The following MACROD1 variants were observed in gnomAD, a reference collection of about 807,000 sequenced individuals.
The protein encoded by MACROD1 is ADP-ribose glycohydrolase MACROD1.
Under a neutral mutation model 41.4 loss-of-function variants are expected in MACROD1, and 31 were observed. That is an observed-to-expected ratio of 0.75 (90% confidence interval 0.56 to 1.01). The LOEUF (loss-of-function observed/expected upper bound fraction) is 1.01, where lower values mean the gene tolerates loss of function less well. Among genes scored for constraint, MACROD1 ranks in the 50% least tolerant of loss-of-function variants. The pLI, the probability that MACROD1 is intolerant of heterozygous loss-of-function variation, is 0.00. For synonymous variants in MACROD1, 252 were observed against 203.4 expected (o/e 1.24, Z -2.03); for missense variants, 473 against 460.0 (o/e 1.03, Z -0.26).
In MACROD1 at chr11:64,054,988, C is replaced by T. The variant is rs188738907; in HGVS notation, c.518-39707G>A. 3.6e-4 allele frequency among the ~76,000 whole-genome samples: 55 copies of T among 152,278 alleles called. 1 individual carries two copies. Among genetic ancestry groups the T allele is most frequent in the Admixed American group, 1.3e-3 (20 of 15,292 alleles). On this transcript the variant is annotated intron_variant, in intron 3 of 10. Transcript: ENST00000255681. ...GGATCTCCTACCAGCCCTTTCCTAC[C>T]GCCACTACCATCCAGACTCTGCCAG...
intron 3 of MACROD1, among the ~76,000 whole-genome samples, chr11:64,032,725 C>T (rs1290094755): frequency 3.3e-5 from 5 of 152,162 alleles, no homozygotes; most frequent in African/African-American, 1.2e-4. Context: ...TCACCTGTGT[C>T]CTCCTGGAGC....
chr11:64,118,869 C>G (rs548315776), intron 3 of MACROD1: 2 of 167,208 alleles, frequency 1.2e-5, no homozygotes, highest in Non-Finnish European at 2.9e-5. Context: ...ATTTCCCTTG[C>G]AGATTTGCAG....
intron 1 of MACROD1, among the ~76,000 whole-genome samples, chr11:64,162,406 G>A (rs574798692): frequency 6.6e-5 from 10 of 152,300 alleles, no homozygotes; most frequent in African/African-American, 2.4e-4. Context: ...AGGTGGCTGA[G>A]GCAGGAGGAT....
At chr11:64,063,408 A>C (rs1451237516) in intron 3 of MACROD1, among the ~76,000 whole-genome samples, 2 of 152,152 alleles carry the variant, frequency 1.3e-5, no homozygotes, top group Non-Finnish European at 2.9e-5. Context: ...AGGGAAGCCC[A>C]AGGAGCGATG....
intron 3 of MACROD1, among the ~76,000 whole-genome samples, chr11:64,129,046 G>A (rs994493197): frequency 6.6e-6 from 1 of 152,244 alleles, no homozygotes; most frequent in Admixed American, 6.5e-5. Context: ...CTCCCCACGT[G>A]TGGCAGCGCC....
chr11:64,059,728 C>T (rs1183554185), intron 3 of MACROD1, among the ~76,000 whole-genome samples: 2 of 152,250 alleles, frequency 1.3e-5, no homozygotes, highest in African/African-American at 4.8e-5. Flanking sequence ...CTACTCCCAG[C>T]TGAGGCAAAC....
chr11:64,154,730 T>C (rs1004560380), intron 1 of MACROD1, among the ~76,000 whole-genome samples: 1 of 151,580 alleles, frequency 6.6e-6, no homozygotes, highest in Non-Finnish European at 1.5e-5. Context: ...TATTCTTTTA[T>C]TTTTTTTTGA....
At chr11:64,157,435 G>A (rs1374375985) in intron 1 of MACROD1, among the ~76,000 whole-genome samples, 1 of 152,190 alleles carries the variant, frequency 6.6e-6, no homozygotes, top group Non-Finnish European at 1.5e-5. Flanking sequence ...CCTCCTGTAA[G>A]AAGGACAAAT....
At chr11:64,031,266 C>G (rs1295087153) in intron 3 of MACROD1, among the ~76,000 whole-genome samples, 1 of 152,142 alleles carries the variant, frequency 6.6e-6, no homozygotes, top group Non-Finnish European at 1.5e-5. Flanking sequence ...GGCACCCTCT[C>G]TGGGACTTTC....
chr11:64,026,229 T>G (rs1438148764), intron 3 of MACROD1, among the ~76,000 whole-genome samples: 1 of 152,060 alleles, frequency 6.6e-6, no homozygotes, highest in African/African-American at 2.4e-5. Flanking sequence ...CTCCCCATGT[T>G]GCCCAGGCTG....
intron 3 of MACROD1, among the ~76,000 whole-genome samples, chr11:64,074,266 G>A (rs916653569): frequency 6.6e-6 from 1 of 152,214 alleles, no homozygotes; most frequent in Non-Finnish European, 1.5e-5. Flanking sequence ...TTTCTCAGGT[G>A]TGAGGCTCAT....
At chr11:63,998,747 G>A in intron 10 of MACROD1, 60 bp from the exon 11 acceptor site, 6 of 1,419,572 alleles carry the variant, frequency 4.2e-6, no homozygotes, top group Non-Finnish European at 5.5e-6. Flanking sequence ...AGGCTGCCCC[G>A]TGGTTTCCCG....
Position 64,082,808 on chromosome 11 carries a change from C to G in MACROD1, c.518-67527G>C. 1.3e-5 allele frequency: 2 copies of G among 152,448 alleles called. 1 individual carries two copies. The highest frequency in any genetic ancestry group is 2.9e-5 in the Non-Finnish European group (2 of 68,196). 9.4% of individuals were successfully genotyped at this position (152,448 alleles called of 1,614,324 possible). On this transcript the variant is annotated intron_variant, in intron 3 of 10. Transcript: ENST00000255681. The surrounding 1 kb of genome is among the most constrained non-coding windows in gnomAD (Gnocchi z 4.5). ...TCACCTGCTCCCATTTCCCCTGTTT[C>G]CCTCAGCTCAGACATCACCACGACC...
chr11:64,062,002 A>G (rs1937925140), intron 3 of MACROD1, among the ~76,000 whole-genome samples: 2 of 110,880 alleles, frequency 1.8e-5, no homozygotes, highest in Non-Finnish European at 3.3e-5. Flanking sequence ...TGCTTCTGTT[A>G]GTTACTTTCC....
intron 3 of MACROD1, among the ~76,000 whole-genome samples, chr11:64,144,838 G>A (rs1031181874): frequency 1.3e-5 from 2 of 152,266 alleles, no homozygotes; most frequent in Admixed American, 6.5e-5. Context: ...CAGATAAAGC[G>A]ATTTACGGCG....
intron 1 of MACROD1, among the ~76,000 whole-genome samples, chr11:64,157,660 C>G (rs57159512): frequency 0.015 from 2,348 of 152,298 alleles, 34 homozygotes; most frequent in South Asian, 0.087. Context: ...AGGAAGCAGG[C>G]TCCACCAGAA....
chr11:64,066,976 A>G (rs1944016918), intron 3 of MACROD1, among the ~76,000 whole-genome samples: 1 of 152,206 alleles, frequency 6.6e-6, no homozygotes, highest in African/African-American at 2.4e-5. Flanking sequence ...CACAGAGCCC[A>G]GCTGGCATCC....
At chr11:64,001,427 A>G in intron 4 of MACROD1, 1 of 702,420 alleles carries the variant, frequency 1.4e-6, no homozygotes, top group Non-Finnish European at 2.6e-6. Flanking sequence ...GCGGGCATCA[A>G]GAGAGGACCA....
intron 3 of MACROD1, among the ~76,000 whole-genome samples, chr11:64,022,610 T>C (rs1371365314): frequency 6.6e-6 from 1 of 151,322 alleles, no homozygotes; most frequent in Non-Finnish European, 1.5e-5. Context: ...TGGAATAACA[T>C]GTGAAATGTG....
Sources: gnomAD v4.1 joint callset for allele counts (sites outside exome capture counted in the v4.1 genomes callset) on GRCh38, gnomAD v4.1.1 for gene constraint, Gnocchi (gnomAD v3.1) non-coding constraint, MANE v1.5 for transcripts, NCBI Gene and HGNC (gene_info 2026-07-23, HGNC 2026-07-21) for gene names.